The following HYLS1 variants were observed in gnomAD, a reference collection of about 807,000 sequenced individuals.
The protein encoded by HYLS1 is centriolar and ciliogenesis-associated protein HYLS1.
A neutral mutation model predicts 29.4 loss-of-function variants in HYLS1; 25 were observed. The ratio of observed to expected loss-of-function variants is 0.85; its 90% CI spans 0.62 to 1.19. The LOEUF (loss-of-function observed/expected upper bound fraction) is 1.19. Ranked by LOEUF, HYLS1 falls within the 50% of genes most tolerant of loss-of-function variation. The pLI is 0.00. For synonymous variants in HYLS1, 128 were observed against 126.7 expected, an observed-to-expected ratio of 1.01 and a Z score of -0.07; for missense variants, 352 against 365.1, an observed-to-expected ratio of 0.96 and a Z score of 0.29.
chr11:125,895,366 C>T lies in HYLS1; in HGVS notation c.-26+3894C>T, dbSNP rs561385901. On this transcript the variant is annotated intron_variant, in intron 2 of 2. Coordinates refer to ENST00000425380, the MANE Select transcript of HYLS1 (RefSeq NM_001134793.2). The stretch of plus-strand genomic sequence containing the variant: ...TAAAGGAATGCCTGGCCAGTCACTT[C>T]AAACTGACATAACTGGAAAGGTTCT... 1 of 1,614,226 alleles carries T rather than the reference C, an allele frequency of 6.2e-7. No homozygotes were observed. Among genetic ancestry groups the T allele is most frequent in the East Asian group, 2.2e-5 (1 of 44,892 alleles).
At chr11:125,896,317 CAG>C in intron 2 of HYLS1, 2 of 1,542,914 alleles carry the variant, frequency 1.3e-6, no homozygotes, top group Non-Finnish European at 1.8e-6. Flanking sequence ...ACGAACCATA[CAG>C]GTCTGCCCTG....
chr11:125,895,144 T>A, intron 2 of HYLS1: 1 of 1,196,340 alleles, frequency 8.4e-7, no homozygotes, highest in East Asian at 2.4e-5. Context: ...CCTCCTGGCT[T>A]CAAGCAATTC....
chr11:125,893,715 A>ATT (rs35423925), intron 2 of HYLS1: 3,256 of 1,038,642 alleles, frequency 3.1e-3, no homozygotes, highest in Non-Finnish European at 3.5e-3. Flanking sequence ...TTGCAAGTAA[A>ATT]TTTTTTTTTT....
At chr11:125,899,242 ATTCT>A in intron 2 of HYLS1, 98 bp from the exon 3 acceptor site, 1 of 789,340 alleles carries the variant, frequency 1.3e-6, no homozygotes, top group Non-Finnish European at 2.1e-6. Flanking sequence ...GGCCTTAGCC[ATTCT>A]TTCTCCATTT....
chr11:125,889,718 A>G (rs1944377223), intron 1 of HYLS1, among the ~76,000 whole-genome samples: 1 of 151,492 alleles, frequency 6.6e-6, no homozygotes, highest in Non-Finnish European at 1.5e-5. Flanking sequence ...AGCCTGGGCG[A>G]CAGAGAGAGA....
rs766167909 is a variant in HYLS1 at position 125,899,779 on chromosome 11, T to C, written c.411T>C (p.Asn137=). The change falls in exon 3 of 3, where the codon AAT becomes AAC. Residue 137 remains asparagine, a synonymous_variant. Coordinates refer to ENST00000425380, the MANE Select transcript of HYLS1 (RefSeq NM_001134793.2). ...GGGACTTAAGACAAAGGCTGATGAA[T>C]GTACAGTTCCAGGAAGACAAGGAAT... ...DLWDLRQRLM[N]VQFQEDKESS... 3 of 1,614,208 alleles carry C rather than the reference T, an allele frequency of 1.9e-6. No individual in the cohort carries two copies. Among genetic ancestry groups the C allele is most frequent in the East Asian group, 4.5e-5 (2 of 44,890 alleles).
chr11:125,890,756 T>C (rs1383667418), intron 1 of HYLS1, among the ~76,000 whole-genome samples: 1 of 152,340 alleles, frequency 6.6e-6, no homozygotes, highest in East Asian at 1.9e-4. Context: ...TGTTCGATCT[T>C]TTATATTAGA....
intron 1 of HYLS1, among the ~76,000 whole-genome samples, chr11:125,888,876 A>G (rs1944359600): frequency 6.6e-6 from 1 of 152,210 alleles, no homozygotes; most frequent in Non-Finnish European, 1.5e-5. Context: ...AAGGACATAA[A>G]TCGGACAAGA....
At chr11:125,893,463 GA>G (rs775046717) in intron 2 of HYLS1, 52 of 199,350 alleles carry the variant, frequency 2.6e-4, no homozygotes, top group Non-Finnish European at 4.0e-4. Context: ...CTGCTTTGGA[GA>G]GAAAAACACA....
chr11:125,888,093 G>C (rs1336079424), intron 1 of HYLS1: 1 of 152,270 alleles, frequency 6.6e-6, no homozygotes, highest in Non-Finnish European at 1.5e-5. Flanking sequence ...GGAGGCCGGG[G>C]ACGGCCCCAG....
chr11:125,888,022 C>T (rs10790766), intron 1 of HYLS1: 91,341 of 152,126 alleles, frequency 0.6, 29,157 homozygotes, highest in Admixed American at 0.71. Flanking sequence ...CGCTGGCCGC[C>T]GCCGCGGTCT....
chr11:125,892,330 A>T (rs1009345438), intron 2 of HYLS1, among the ~76,000 whole-genome samples: 36 of 152,350 alleles, frequency 2.4e-4, no homozygotes, highest in Admixed American at 2.3e-3. Flanking sequence ...GAAAATTATT[A>T]TTGAGGAAGA....
At chr11:125,888,937 C>T (rs1448031974) in intron 1 of HYLS1, among the ~76,000 whole-genome samples, 1 of 151,946 alleles carries the variant, frequency 6.6e-6, no homozygotes, top group Admixed American at 6.6e-5. Context: ...ACATTTAGTA[C>T]GTGTAAAGAA....
At chr11:125,895,264 G>A (rs147819667) in intron 2 of HYLS1, 208 of 1,605,880 alleles carry the variant, frequency 1.3e-4, no homozygotes, top group Non-Finnish European at 1.7e-4. Context: ...ATATTCAGCA[G>A]CTCATCAATA....
intron 1 of HYLS1, among the ~76,000 whole-genome samples, chr11:125,890,575 C>T (rs561167551): frequency 1.3e-5 from 2 of 152,276 alleles, no homozygotes; most frequent in South Asian, 4.1e-4. Flanking sequence ...AGTCTTTGCC[C>T]CTTCTACCCT....
chr11:125,888,479 A>T (rs1424882707), intron 1 of HYLS1, among the ~76,000 whole-genome samples: 1 of 152,162 alleles, frequency 6.6e-6, no homozygotes, highest in African/African-American at 2.4e-5. Context: ...ATTATAAATC[A>T]GAATTCAGGC....
chr11:125,895,334 TTGA>T (rs750072316), intron 2 of HYLS1: 7 of 1,614,100 alleles, frequency 4.3e-6, no homozygotes, highest in Non-Finnish European at 3.4e-6. Flanking sequence ...TACATCGGAC[TTGA>T]TGATAAAGGA....
Position 125,895,315 on chromosome 11 carries a change from T to G in HYLS1, c.-26+3843T>G, listed in dbSNP as rs575899270. On this transcript the variant is annotated intron_variant, in intron 2 of 2. Coordinates refer to ENST00000425380, the MANE Select transcript of HYLS1 (RefSeq NM_001134793.2). Reference sequence around the variant, plus strand: ...ATTCCTTGGCCAATCAGAAAGAGGATAGCCATCATACATCGGACTTGATGA... The same window carrying G: ...ATTCCTTGGCCAATCAGAAAGAGGAGAGCCATCATACATCGGACTTGATGA... 5.1e-5 allele frequency: 82 copies of G among 1,614,136 alleles called. No individual in the cohort carries two copies. The South Asian group carries it at 8.8e-4, about 17-fold the overall frequency.
At chr11:125,886,362 C>A (rs1252243674), upstream of HYLS1, among the ~76,000 whole-genome samples, 1 of 152,110 alleles carries the variant, frequency 6.6e-6, no homozygotes, top group Non-Finnish European at 1.5e-5. Flanking sequence ...AAGGATTAAA[C>A]ATTTCTCCCC....
Sources: allele counts gnomAD v4.1 joint callset (sites outside exome capture counted in the v4.1 genomes callset), GRCh38; gene constraint gnomAD v4.1.1; transcripts MANE v1.5; gene names NCBI Gene and HGNC (gene_info 2026-07-23, HGNC 2026-07-21).